CCDC178: variants seen among roughly 807,000 people sequenced by gnomAD.
The protein encoded by CCDC178 is coiled-coil domain-containing protein 178.
A neutral mutation model predicts 117.4 loss-of-function variants in CCDC178; 126 were observed. The ratio of observed to expected loss-of-function variants is 1.07; its 90% CI spans 0.93 to 1.24. The LOEUF is 1.24. Among genes scored for constraint, CCDC178 ranks in the 50% most tolerant of loss-of-function variants. The probability of loss-of-function intolerance (pLI) is 0.00; values close to 1 mark genes in which losing one functional copy is unlikely to be tolerated. For missense variants in CCDC178, 1,030 were observed against 986.9 expected (o/e 1.04, Z -0.59); for synonymous variants, 283 against 313.4 (o/e 0.90, Z 1.02).
At chr18:33,230,139 C>T (rs1236998430) in intron 15 of CCDC178, among the ~76,000 whole-genome samples, 1 of 152,058 alleles carries the variant, frequency 6.6e-6, no homozygotes, top group Non-Finnish European at 1.5e-5. Flanking sequence ...GAGAGAAAAA[C>T]AGAATGGCTG....
intron 20 of CCDC178, among the ~76,000 whole-genome samples, chr18:33,156,879 T>C (rs529853948): frequency 1.1e-4 from 16 of 152,192 alleles, no homozygotes; most frequent in African/African-American, 3.6e-4. Flanking sequence ...TGGTATTCAG[T>C]TGGCAAAAAA....
At chr18:33,173,854 A>C (rs2058633209) in intron 20 of CCDC178, among the ~76,000 whole-genome samples, 1 of 152,160 alleles carries the variant, frequency 6.6e-6, no homozygotes, top group African/African-American at 2.4e-5. Flanking sequence ...TTTTACAGTC[A>C]AATCAAAAGA....
chr18:33,175,818 T>C (rs1298149019), intron 20 of CCDC178, among the ~76,000 whole-genome samples: 2 of 152,190 alleles, frequency 1.3e-5, no homozygotes, highest in African/African-American at 4.8e-5. Context: ...ACATTATCCC[T>C]CTATTCTCTC....
At position 33,215,710 on chromosome 18, in the gene CCDC178, A is replaced by ATTTTTTTATATTTTT. The variant is rs1198428382; in HGVS notation, c.1933-16_1933-15insAAAAATATAAAAAAA. The stretch of plus-strand genomic sequence containing the variant: ...GAGCGTTTACTCTGAAAAAAAATAT[A>ATTTTTTTATATTTTT]CACAAGTGTTTATTTTAAATACTTG... On this transcript the variant is annotated splice_polypyrimidine_tract_variant and intron_variant, in intron 18 of 22. Transcript: ENST00000383096. 6.8e-7 allele frequency: 1 copy of ATTTTTTTATATTTTT among 1,477,260 alleles called. No homozygotes were observed. The highest frequency in any genetic ancestry group is 2.6e-5 in the East Asian group (1 of 38,402). The allele number at this position is 1,477,260 out of a possible 1,614,324, so 91.5% of individuals were successfully genotyped here.
intron 20 of CCDC178, among the ~76,000 whole-genome samples, chr18:33,120,881 T>G (rs2057927833): frequency 6.6e-6 from 1 of 152,212 alleles, no homozygotes; most frequent in African/African-American, 2.4e-5. Context: ...TCAAGGATTT[T>G]TATACTTTTC....
In CCDC178 at chr18:33,092,962, A is replaced by G. The variant is rs774525671; in HGVS notation, c.2239-52T>C. On this transcript the variant is annotated intron_variant, in intron 20 of 22. Coordinates refer to ENST00000383096, the MANE Select transcript of CCDC178 (RefSeq NM_001105528.4). ...TTGTGTGTATATATATATAAACGCAATTAAAATCATTTGGATTTGTTTGAA... is the reference window on the plus strand; with the variant it reads ...TTGTGTGTATATATATATAAACGCAGTTAAAATCATTTGGATTTGTTTGAA... 4.4e-5 allele frequency: 48 copies of G among 1,087,336 alleles called. No individual in the cohort carries two copies. The Admixed American group carries it at 5.8e-4, about 13-fold the overall frequency. The allele number at this position is 1,087,336 out of a possible 1,614,324, so 67.4% of individuals were successfully genotyped here.
intron 9 of CCDC178, among the ~76,000 whole-genome samples, chr18:33,336,246 C>G (rs1219234291): frequency 6.6e-6 from 1 of 152,064 alleles, no homozygotes; most frequent in Non-Finnish European, 1.5e-5. Flanking sequence ...CCTTTGGATT[C>G]TCATTTTTAT....
At chr18:33,281,044 G>T (rs1001227466) in intron 12 of CCDC178, among the ~76,000 whole-genome samples, 2 of 151,366 alleles carry the variant, frequency 1.3e-5, no homozygotes, top group Non-Finnish European at 2.9e-5. Flanking sequence ...ATGGCACATG[G>T]ATACATATGT....
intron 12 of CCDC178, among the ~76,000 whole-genome samples, chr18:33,270,048 A>C (rs564950925): frequency 4.6e-5 from 7 of 151,906 alleles, no homozygotes; most frequent in African/African-American, 1.4e-4. Flanking sequence ...TATTTTAAAA[A>C]CTCAAATATA....
intron 14 of CCDC178, among the ~76,000 whole-genome samples, chr18:33,249,276 A>T (rs1163063989): frequency 1.3e-5 from 2 of 151,978 alleles, no homozygotes; most frequent in Non-Finnish European, 2.9e-5. Flanking sequence ...GTTTAATTAG[A>T]TCCCAGTTGT....
At chr18:33,213,018 A>G (rs2059125319) in intron 19 of CCDC178, among the ~76,000 whole-genome samples, 1 of 152,020 alleles carries the variant, frequency 6.6e-6, no homozygotes, top group Non-Finnish European at 1.5e-5. Flanking sequence ...TAAAGGCAGC[A>G]AGACTAATAT....
intron 21 of CCDC178, among the ~76,000 whole-genome samples, chr18:33,067,139 A>T (rs1664050826): frequency 6.6e-6 from 1 of 152,236 alleles, no homozygotes; most frequent in Admixed American, 6.5e-5. Context: ...AAAAGGTCAA[A>T]ATCATGTCAA....
intron 6 of CCDC178, among the ~76,000 whole-genome samples, chr18:33,362,401 G>A (rs2063143073): frequency 6.6e-6 from 1 of 151,742 alleles, no homozygotes; most frequent in Non-Finnish European, 1.5e-5. Context: ...ACAGGTGGGA[G>A]TCGGGAAGAG....
Position 33,140,063 on chromosome 18 carries a change from A to G in CCDC178, c.2239-47153T>C, listed in dbSNP as rs565260761. Among the ~76,000 whole-genome samples, 5 of 152,328 alleles carry G rather than the reference A, an allele frequency of 3.3e-5. No individual in the cohort carries two copies. In the East Asian group the frequency reaches 9.7e-4, roughly 29 times the overall value. The stretch of plus-strand genomic sequence containing the variant: ...GAGGGTGCAAGCCTCAAGCCTTGGC[A>G]GCTTCCATGTGGTGTTGACCCTTTG... On this transcript the variant is annotated intron_variant, in intron 20 of 22. Transcript: ENST00000383096.
intron 2 of CCDC178, among the ~76,000 whole-genome samples, chr18:33,439,235 A>T (rs987945140): frequency 6.6e-6 from 1 of 152,236 alleles, no homozygotes; most frequent in Non-Finnish European, 1.5e-5. Flanking sequence ...GAATATATGC[A>T]ATTATCCCGT....
chr18:33,128,722 A>G (rs1025375678), intron 20 of CCDC178, among the ~76,000 whole-genome samples: 3 of 152,158 alleles, frequency 2.0e-5, no homozygotes, highest in African/African-American at 7.2e-5. Context: ...GGAAGGCACA[A>G]TCTCTCTACA....
Position 33,346,412 on chromosome 18 carries a change from CT to C in CCDC178, c.458-2del, listed in dbSNP as rs749572284. 1 of 1,596,246 alleles carries C rather than the reference CT, an allele frequency of 6.3e-7. No homozygotes were observed. Among genetic ancestry groups the C allele is most frequent in the Admixed American group, 1.7e-5 (1 of 59,354 alleles). On this transcript the variant is annotated splice_acceptor_variant, in intron 8 of 22. Transcript: ENST00000383096. LOFTEE classifies it high-confidence loss of function. ...TGCTTTAACTCTGGACACTTTTCATCTTAAACAGAAATAAATATTCACATTT... is the reference window on the plus strand; with the variant it reads ...TGCTTTAACTCTGGACACTTTTCATCTAAACAGAAATAAATATTCACATTT...
rs199589045 is a variant in CCDC178, at chr18:33,031,240, G to GT, written c.2389-56560dup. Among the ~76,000 whole-genome samples, 669 of 141,420 alleles carry GT rather than the reference G, an allele frequency of 4.7e-3. 1 individual carries two copies. Among genetic ancestry groups the GT allele is most frequent in the South Asian group, 0.013 (58 of 4,472 alleles). 92.8% of individuals were successfully genotyped at this position (141,420 alleles called of 152,430 possible). A position where few individuals can be genotyped will look rare whatever the true frequency, so the allele number is the denominator to read the frequency against. ...GACTTTTTTACTACATATTTTTGGA[G>GT]TTTTTTTTTTTTTTAAATGGAGTCT... is the stretch of plus-strand genomic sequence containing the variant. On this transcript the variant is annotated intron_variant, in intron 21 of 22. Transcript: ENST00000383096.
intron 5 of CCDC178, among the ~76,000 whole-genome samples, chr18:33,378,752 T>C (rs997868304): frequency 2.6e-5 from 4 of 152,198 alleles, no homozygotes; most frequent in Non-Finnish European, 5.9e-5. Flanking sequence ...GATTTGTATA[T>C]GTTGAACCAA....
Sources: allele counts gnomAD v4.1 joint callset (sites outside exome capture counted in the v4.1 genomes callset), GRCh38; gene constraint gnomAD v4.1.1; transcripts MANE v1.5; gene names NCBI Gene and HGNC (gene_info 2026-07-23, HGNC 2026-07-21).